The following TRABD2B variants were observed in gnomAD, a reference collection of about 807,000 sequenced individuals.
The protein encoded by TRABD2B is TraB domain containing 2B.
Under a neutral mutation model 40.1 loss-of-function variants are expected in TRABD2B, and 14 were observed. The observed-to-expected ratio is 0.35, with a 90% CI of 0.23 to 0.55. The LOEUF (loss-of-function observed/expected upper bound fraction) is 0.55. TRABD2B is among the 20% of genes least tolerant of loss of function. TRABD2B has a pLI of 0.90. For missense variants in TRABD2B, 541 were observed against 648.6 expected (o/e 0.83, Z 1.80); for synonymous variants, 263 against 277.0 (o/e 0.95, Z 0.50).
intron 2 of TRABD2B, among the ~76,000 whole-genome samples, chr1:47,862,422 A>G (rs542865437): frequency 1.1e-4 from 16 of 152,314 alleles, no homozygotes; most frequent in African/African-American, 3.6e-4. Context: ...AAAAGTCAGT[A>G]TATTTCCTAT....
intron 2 of TRABD2B, among the ~76,000 whole-genome samples, chr1:47,831,087 C>T (rs1248178480): frequency 7.2e-6 from 1 of 139,290 alleles, no homozygotes; most frequent in African/African-American, 2.6e-5. Flanking sequence ...CGTGTCCTCA[C>T]CTTTGAAGAG....
chr1:47,930,751 C>T (rs924612168), intron 2 of TRABD2B, among the ~76,000 whole-genome samples: 2 of 152,130 alleles, frequency 1.3e-5, no homozygotes, highest in Non-Finnish European at 2.9e-5. Flanking sequence ...TGGCCTTCAC[C>T]TCCAGGGCTC....
In TRABD2B at chr1:47,874,252, A is replaced by ATTTTTTTTTTTT. The variant is rs61411862; in HGVS notation, c.667-72645_667-72634dup. Among the ~76,000 whole-genome samples the ATTTTTTTTTTTT allele has an allele frequency of 1.4e-4, 13 of 90,524 alleles. 1 individual carries two copies. The highest frequency in any genetic ancestry group is 3.7e-4 in the East Asian group (1 of 2,710). The allele number at this position is 90,524 out of a possible 152,430, so 59.4% of individuals were successfully genotyped here. ...ATTTTATTTTTAAATTGATTAATTA[A>ATTTTTTTTTTTT]TTTTTTTTTTTTTTTTTTTTTTTTG... On this transcript the variant is annotated intron_variant, in intron 2 of 6. Transcript: ENST00000606738.
chr1:47,871,594 C>T (rs556606746), intron 2 of TRABD2B, among the ~76,000 whole-genome samples: 1 of 152,294 alleles, frequency 6.6e-6, no homozygotes, highest in East Asian at 1.9e-4. Flanking sequence ...ACCTGCCGCT[C>T]ACACACTCAG....
At chr1:47,780,669 G>C (rs1644509303) in intron 4 of TRABD2B, among the ~76,000 whole-genome samples, 2 of 152,160 alleles carry the variant, frequency 1.3e-5, no homozygotes, top group Admixed American at 1.3e-4. Flanking sequence ...GAGTTATCGA[G>C]GTGAGGATAG....
chr1:47,902,206 C>G (rs1047589652), intron 2 of TRABD2B, among the ~76,000 whole-genome samples: 1 of 152,190 alleles, frequency 6.6e-6, no homozygotes, highest in African/African-American at 2.4e-5. Flanking sequence ...TCATAGGACC[C>G]TTGGAACCTC....
rs114235501 is a variant in TRABD2B at position 47,876,179 on chromosome 1, G to A, written c.667-74560C>T. ...GACTTGTCACTGAGCTTGAACAAGC[G>A]CGTCACCCTCTCTAAGCCTCAGTTC... is the stretch of plus-strand genomic sequence containing the variant. On this transcript the variant is annotated intron_variant, in intron 2 of 6. Transcript: ENST00000606738. 5.6e-3 allele frequency among the ~76,000 whole-genome samples: 846 copies of A among 152,304 alleles called. 4 individuals are homozygous for A. The highest frequency in any genetic ancestry group is 0.01 in the East Asian group (54 of 5,182).
intron 3 of TRABD2B, among the ~76,000 whole-genome samples, chr1:47,800,113 A>G (rs912929628): frequency 6.6e-6 from 1 of 152,110 alleles, no homozygotes; most frequent in African/African-American, 2.4e-5. Flanking sequence ...TAAATCCATG[A>G]ATAAAACAGA....
At chr1:47,827,111 G>A (rs1398126444) in intron 2 of TRABD2B, among the ~76,000 whole-genome samples, 4 of 152,158 alleles carry the variant, frequency 2.6e-5, no homozygotes, top group Non-Finnish European at 5.9e-5. Flanking sequence ...CACGGGCCTC[G>A]CTGGGGCTGC....
chr1:47,774,586 G>GAC (rs905142225), intron 6 of TRABD2B, among the ~76,000 whole-genome samples: 25 of 152,288 alleles, frequency 1.6e-4, no homozygotes, highest in Non-Finnish European at 1.0e-4. Flanking sequence ...ATAGGAAGAG[G>GAC]ACAGAAGGGT....
chr1:47,909,793 C>T (rs867574247), intron 2 of TRABD2B, among the ~76,000 whole-genome samples: 2 of 1,008 alleles, frequency 2.0e-3, no homozygotes, highest in African/African-American at 4.8e-3. Flanking sequence ...TCCCCATCCC[C>T]CCCCCCCTTC....
chr1:47,947,687 AG>A (rs1334867190), intron 2 of TRABD2B, among the ~76,000 whole-genome samples: 2 of 152,054 alleles, frequency 1.3e-5, no homozygotes, highest in Admixed American at 1.3e-4. Flanking sequence ...AGCCAAAACA[AG>A]GAGGTCATGC....
At chr1:47,817,067 A>G (rs1339641684) in intron 2 of TRABD2B, among the ~76,000 whole-genome samples, 3 of 152,106 alleles carry the variant, frequency 2.0e-5, no homozygotes, top group African/African-American at 7.2e-5. Flanking sequence ...GTAGCCACTC[A>G]CTAAAGGGAA....
chr1:47,867,069 T>G (rs1334186751), intron 2 of TRABD2B, among the ~76,000 whole-genome samples: 1 of 152,194 alleles, frequency 6.6e-6, no homozygotes, highest in Non-Finnish European at 1.5e-5. Context: ...TAATGACAAC[T>G]GCGTTTACAG....
intron 2 of TRABD2B, among the ~76,000 whole-genome samples, chr1:47,844,673 GTCCCGGAGAGGGAA>G (rs1270884124): frequency 6.6e-6 from 1 of 152,204 alleles, no homozygotes; most frequent in African/African-American, 2.4e-5. Context: ...AGTGATGTGA[GTCCCGGAGAGGGAA>G]TGATGGATTC....
chr1:47,822,676 G>T (rs897627940), intron 2 of TRABD2B, among the ~76,000 whole-genome samples: 13 of 152,170 alleles, frequency 8.5e-5, no homozygotes, highest in African/African-American at 3.1e-4. Flanking sequence ...ATCCTATAAG[G>T]TAGCTACTCT....
At chr1:47,979,577 A>C (rs1570407690) in intron 2 of TRABD2B, among the ~76,000 whole-genome samples, 1 of 152,200 alleles carries the variant, frequency 6.6e-6, no homozygotes, top group East Asian at 1.9e-4. Flanking sequence ...TTCACCGACC[A>C]AGGATCCTCC....
chr1:47,839,519 G>T (rs1645365817), intron 2 of TRABD2B, among the ~76,000 whole-genome samples: 1 of 152,210 alleles, frequency 6.6e-6, no homozygotes, highest in African/African-American at 2.4e-5. Context: ...TCCACCCAGA[G>T]TAGTGGATCA....
intron 2 of TRABD2B, among the ~76,000 whole-genome samples, chr1:47,964,790 T>C (rs1645574521): frequency 6.6e-6 from 1 of 152,008 alleles, no homozygotes; most frequent in African/African-American, 2.4e-5. Flanking sequence ...CCAGTTTCTC[T>C]CATGTTGCAA....
Sources: allele counts gnomAD v4.1 joint callset (sites outside exome capture counted in the v4.1 genomes callset), GRCh38; gene constraint gnomAD v4.1.1; transcripts MANE v1.5; gene names NCBI Gene and HGNC (gene_info 2026-07-23, HGNC 2026-07-21).